Variants in AIG1 observed in about 807,000 individuals in gnomAD.
The protein encoded by AIG1 is androgen induced 1, also known as androgen-induced gene 1 protein.
In AIG1, 23 loss-of-function variants were observed where a neutral mutation model predicts 31.4. The ratio of observed to expected loss-of-function variants is 0.73; its 90% confidence interval spans 0.53 to 1.04. The LOEUF is 1.04. Among genes scored for constraint, AIG1 ranks in the 50% least tolerant of loss-of-function variants. The probability of loss-of-function intolerance (pLI) is 0.00; values close to 1 mark genes in which losing one functional copy is unlikely to be tolerated. For missense variants in AIG1, 274 were observed against 295.0 expected, an observed-to-expected ratio of 0.93 and a Z score of 0.52; for synonymous variants, 100 against 110.5, an observed-to-expected ratio of 0.90 and a Z score of 0.60.
At chr6:143,188,687 C>CCTCTAGAG in intron 3 of AIG1, 3 of 984,682 alleles carry the variant, frequency 3.0e-6, no homozygotes, top group Non-Finnish European at 3.6e-6. Context: ...CCATCCAACC[C>CCTCTAGAG]CTCTAGAGCT....
intron 3 of AIG1, among the ~76,000 whole-genome samples, chr6:143,236,088 G>A (rs747220867): frequency 2.6e-4 from 39 of 152,128 alleles, no homozygotes; most frequent in Non-Finnish European, 4.6e-4. Flanking sequence ...TTATTTTCTT[G>A]TATTTAATAA....
At chr6:143,096,206 C>G (rs1401471146) in intron 1 of AIG1, among the ~76,000 whole-genome samples, 2 of 152,066 alleles carry the variant, frequency 1.3e-5, no homozygotes, top group African/African-American at 2.4e-5. Context: ...ACGCCCGGCC[C>G]TAGATACTTT....
intron 3 of AIG1, among the ~76,000 whole-genome samples, chr6:143,182,277 T>G (rs1356829846): frequency 6.6e-6 from 1 of 152,180 alleles, no homozygotes; most frequent in African/African-American, 2.4e-5. Context: ...CAAGCAATCC[T>G]CCTGCCTCAG....
At chr6:143,060,842 C>T (rs950303324), upstream of AIG1, 1 of 889,732 alleles carries the variant, frequency 1.1e-6, no homozygotes, top group Non-Finnish European at 1.3e-6. Context: ...CGCCCGGGTT[C>T]CCACGGCGCC....
intron 1 of AIG1, among the ~76,000 whole-genome samples, chr6:143,136,619 G>A (rs902515983): frequency 1.3e-5 from 2 of 152,160 alleles, no homozygotes; most frequent in Non-Finnish European, 2.9e-5. Flanking sequence ...CACTTGTCCC[G>A]AGGTGAGTGA....
At chr6:143,070,533 G>C (rs1389081894) in intron 1 of AIG1, among the ~76,000 whole-genome samples, 1 of 152,100 alleles carries the variant, frequency 6.6e-6, no homozygotes, top group Non-Finnish European at 1.5e-5. Context: ...ATAAAGAAAA[G>C]AAACTTATGT....
rs184916818 is a variant in AIG1 at position 143,322,093 on chromosome 6, A to G, written c.516-11189A>G. ...CTACAGTTTGACATCAGGCACTGGC[A>G]TAGAGCAGGAACTCAGAAAGGTCTG... On this transcript the variant is annotated intron_variant, in intron 4 of 5. Coordinates refer to ENST00000357847, the MANE Select transcript of AIG1 (RefSeq NM_016108.4). 1.4e-3 allele frequency among the ~76,000 whole-genome samples: 211 copies of G among 152,362 alleles called. 2 individuals are homozygous for G. Among genetic ancestry groups the G allele is most frequent in the African/African-American group, 4.8e-3 (199 of 41,576 alleles).
chr6:143,277,220 G>C (rs959261963), intron 3 of AIG1, among the ~76,000 whole-genome samples: 1 of 152,108 alleles, frequency 6.6e-6, no homozygotes, highest in African/African-American at 2.4e-5. Flanking sequence ...TTGTTCTATG[G>C]GGGGGTGAGA....
At chr6:143,324,175 T>A (rs1776431518) in intron 4 of AIG1, among the ~76,000 whole-genome samples, 2 of 152,214 alleles carry the variant, frequency 1.3e-5, no homozygotes, top group Non-Finnish European at 2.9e-5. Context: ...GTGATGTAAC[T>A]GTTTCTTAAG....
At chr6:143,295,067 C>A (rs1348109417) in intron 4 of AIG1, among the ~76,000 whole-genome samples, 4 of 152,160 alleles carry the variant, frequency 2.6e-5, no homozygotes, top group Non-Finnish European at 5.9e-5. Flanking sequence ...ATGTCTGCAT[C>A]CCACCCCAAA....
At chr6:143,238,004 G>C (rs536110494) in intron 3 of AIG1, among the ~76,000 whole-genome samples, 121 of 152,122 alleles carry the variant, frequency 8.0e-4, no homozygotes, top group African/African-American at 2.7e-3. Context: ...GCAGTGGCAC[G>C]ATCTCAGCTC....
At chr6:143,196,394 C>T (rs942402032) in intron 3 of AIG1, among the ~76,000 whole-genome samples, 2 of 143,466 alleles carry the variant, frequency 1.4e-5, no homozygotes, top group African/African-American at 5.1e-5. Flanking sequence ...CACACACACA[C>T]ACCCCAATTT....
intron 3 of AIG1, among the ~76,000 whole-genome samples, chr6:143,271,349 A>G (rs539992102): frequency 5.9e-5 from 9 of 152,370 alleles, no homozygotes; most frequent in Admixed American, 1.3e-4. Context: ...ACTTTGCTCC[A>G]GCATTAACCT....
intron 1 of AIG1, among the ~76,000 whole-genome samples, chr6:143,068,364 T>A (rs2128459382): frequency 6.6e-6 from 1 of 152,332 alleles, no homozygotes; most frequent in South Asian, 2.1e-4. Flanking sequence ...AACATAGCTC[T>A]CTTGTGCAGT....
At chr6:143,090,428 T>A (rs1779199121) in intron 1 of AIG1, among the ~76,000 whole-genome samples, 2 of 152,210 alleles carry the variant, frequency 1.3e-5, no homozygotes, top group African/African-American at 2.4e-5. Context: ...TCGATCTGTT[T>A]TCAGGATGTG....
chr6:143,315,311 T>C (rs973039830), intron 4 of AIG1, among the ~76,000 whole-genome samples: 1 of 152,080 alleles, frequency 6.6e-6, no homozygotes, highest in African/African-American at 2.4e-5. Flanking sequence ...ATTTTGTAGA[T>C]AGCAAAAACT....
intron 1 of AIG1, among the ~76,000 whole-genome samples, chr6:143,078,663 A>G (rs756440996): frequency 3.9e-5 from 6 of 152,180 alleles, no homozygotes; most frequent in Non-Finnish European, 7.3e-5. Flanking sequence ...TTATAAAACC[A>G]TCAGACCTCA....
At chr6:143,102,876 T>C (rs981066168) in intron 1 of AIG1, among the ~76,000 whole-genome samples, 1 of 152,100 alleles carries the variant, frequency 6.6e-6, no homozygotes, top group African/African-American at 2.4e-5. Flanking sequence ...AAGAAGCAAA[T>C]AAAACTCCAT....
At chr6:143,261,133 CTT>C (rs989462232) in intron 3 of AIG1, among the ~76,000 whole-genome samples, 1 of 151,172 alleles carries the variant, frequency 6.6e-6, no homozygotes, top group Non-Finnish European at 1.5e-5. Context: ...ATGAGTAGCT[CTT>C]TTTTTTTCTC....
Sources: gnomAD v4.1 joint callset for allele counts (sites outside exome capture counted in the v4.1 genomes callset) on GRCh38, gnomAD v4.1.1 for gene constraint, MANE v1.5 for transcripts, NCBI Gene and HGNC (gene_info 2026-07-23, HGNC 2026-07-21) for gene names.